The following KIFAP3 variants were observed in gnomAD, a reference collection of about 807,000 sequenced individuals.
KIFAP3 encodes the protein kinesin associated protein 3, also known as kinesin-associated protein 3.
KIFAP3 carries 68 observed loss-of-function variants against 106.5 expected under a neutral mutation model. The ratio of observed to expected loss-of-function variants is 0.64; its 90% CI spans 0.53 to 0.78. The LOEUF is 0.78. KIFAP3 is among the 30% of genes least tolerant of loss of function. The pLI is 0.00. For synonymous variants in KIFAP3, 320 were observed against 311.5 expected, an observed-to-expected ratio of 1.03 and a Z score of -0.29; for missense variants, 780 against 941.8, an observed-to-expected ratio of 0.83 and a Z score of 2.25.
intron 19 of KIFAP3, among the ~76,000 whole-genome samples, chr1:169,931,939 T>C (rs1451727104): frequency 1.3e-5 from 2 of 152,194 alleles, no homozygotes; most frequent in African/African-American, 4.8e-5. Flanking sequence ...TTTACCCCTA[T>C]GCACTCTCTT....
chr1:170,072,474 T>C (rs924871191), intron 1 of KIFAP3, among the ~76,000 whole-genome samples: 7 of 152,100 alleles, frequency 4.6e-5, no homozygotes, highest in African/African-American at 1.7e-4. Flanking sequence ...CTGGAAAAAG[T>C]GGTATTTATG....
At chr1:169,948,458 G>A (rs1325198996) in intron 19 of KIFAP3, among the ~76,000 whole-genome samples, 1 of 151,894 alleles carries the variant, frequency 6.6e-6, no homozygotes, top group Non-Finnish European at 1.5e-5. Flanking sequence ...AAATGAAGCA[G>A]TATTTTAGTC....
chr1:170,074,623 G>C lies in KIFAP3; in HGVS notation c.-156C>G. 1.3e-6 allele frequency: 2 copies of C among 1,497,862 alleles called. No individual in the cohort carries two copies. The highest frequency in any genetic ancestry group is 1.8e-6 in the Non-Finnish European group (2 of 1,120,418). The allele number at this position is 1,497,862 out of a possible 1,614,324, so 92.8% of individuals were successfully genotyped here. ...GCAGCGGCGCTGTGGTTACCACGGT[G>C]AAGCCTCCAGCTCCTCCCACAGCTT... is the stretch of plus-strand genomic sequence containing the variant. On this transcript the variant is annotated 5_prime_UTR_variant, in exon 1 of 20. Transcript: ENST00000361580.
At chr1:169,981,525 T>C (rs999082177) in intron 15 of KIFAP3, among the ~76,000 whole-genome samples, 4 of 152,222 alleles carry the variant, frequency 2.6e-5, no homozygotes, top group Admixed American at 6.5e-5. Flanking sequence ...TTCTGTTTTA[T>C]TATTAATTAT....
intron 8 of KIFAP3, among the ~76,000 whole-genome samples, chr1:170,027,696 G>C (rs1307953696): frequency 6.6e-6 from 1 of 152,042 alleles, no homozygotes; most frequent in Non-Finnish European, 1.5e-5. Context: ...GAGAACTGTG[G>C]AACAACTTCG....
At chr1:170,016,691 A>AT (rs1418114691) in intron 9 of KIFAP3, 67 bp from the exon 10 acceptor site, 15 of 986,394 alleles carry the variant, frequency 1.5e-5, no homozygotes, top group African/African-American at 3.4e-5. Flanking sequence ...GAATATAATT[A>AT]TTTTTTCTTT....
intron 11 of KIFAP3, among the ~76,000 whole-genome samples, chr1:169,989,061 A>G (rs1666975711): frequency 6.6e-6 from 1 of 151,998 alleles, no homozygotes; most frequent in Non-Finnish European, 1.5e-5. Context: ...CATTGCATAC[A>G]TGTTTGATGT....
At chr1:169,978,009 A>G (rs1666318642) in intron 16 of KIFAP3, 76 bp downstream of exon 16, 1 of 1,007,792 alleles carries the variant, frequency 9.9e-7, no homozygotes, top group African/African-American at 1.7e-5. Context: ...CATTTGCAAA[A>G]AAAAAAACAA....
In KIFAP3 at chr1:170,074,548, A is replaced by T; in HGVS notation, c.-81T>A. The stretch of plus-strand genomic sequence containing the variant: ...TATTTCCGGGGACGGTGGCCAAAGT[A>T]CCCTCACACCCAGAGGCGATGACAG... On this transcript the variant is annotated 5_prime_UTR_variant, in exon 1 of 20. Transcript: ENST00000361580. The T allele has an allele frequency of 6.2e-7, 1 of 1,601,860 alleles. No homozygotes were observed. The highest frequency in any genetic ancestry group is 8.5e-7 in the Non-Finnish European group (1 of 1,174,436).
intron 19 of KIFAP3, among the ~76,000 whole-genome samples, chr1:169,944,498 G>A (rs538343008): frequency 2.6e-5 from 4 of 152,066 alleles, no homozygotes; most frequent in Non-Finnish European, 4.4e-5. Flanking sequence ...CCTCCTTCTC[G>A]TTTCCCACAA....
At chr1:169,987,236 C>G (rs1292864188) in intron 11 of KIFAP3, among the ~76,000 whole-genome samples, 1 of 151,996 alleles carries the variant, frequency 6.6e-6, no homozygotes, top group African/African-American at 2.4e-5. Context: ...TTAACTATGT[C>G]CATTGTCATC....
At chr1:169,997,249 G>A (rs1667410455) in intron 10 of KIFAP3, among the ~76,000 whole-genome samples, 1 of 152,106 alleles carries the variant, frequency 6.6e-6, no homozygotes. Context: ...ACCTGAAAAG[G>A]TTGTTGTGTG....
At chr1:170,018,371 A>G (rs1668627042) in intron 9 of KIFAP3, among the ~76,000 whole-genome samples, 1 of 152,162 alleles carries the variant, frequency 6.6e-6, no homozygotes, top group African/African-American at 2.4e-5. Flanking sequence ...GCATTAAGAG[A>G]ACTTACTTTA....
At chr1:170,058,022 T>C (rs150947980) in intron 1 of KIFAP3, among the ~76,000 whole-genome samples, 165 of 152,252 alleles carry the variant, frequency 1.1e-3, no homozygotes, top group African/African-American at 3.9e-3. Context: ...ATATGAAACA[T>C]ACCTTCTATA....
At chr1:170,047,243 T>C (rs994558334) in intron 2 of KIFAP3, among the ~76,000 whole-genome samples, 1 of 152,134 alleles carries the variant, frequency 6.6e-6, no homozygotes, top group African/African-American at 2.4e-5. Flanking sequence ...GCTAACTTTT[T>C]TTCAGCTAGG....
In KIFAP3 at chr1:170,031,913, C is replaced by T; in HGVS notation, c.814G>A (p.Val272Met). 1 of 1,610,634 alleles carries T rather than the reference C, an allele frequency of 6.2e-7. No individual in the cohort carries two copies. Among genetic ancestry groups the T allele is most frequent in the Non-Finnish European group, 8.5e-7 (1 of 1,177,560 alleles). The part of the protein sequence containing the change: ...EKTFKKYQGL[V>M]VKQEQLLRVA... ...CGTAATAGCTGTTCCTGTTTTACCA[C>T]AAGCCCCTGGTACTTTTTAAAGGTT... The change falls in exon 8 of 20, where the codon GTG (valine) becomes ATG (methionine). Residue 272 changes from valine (V) to methionine (M), a missense_variant. Coordinates refer to ENST00000361580, the MANE Select transcript of KIFAP3 (RefSeq NM_014970.4).
At chr1:170,071,594 G>A (rs1418351593) in intron 1 of KIFAP3, among the ~76,000 whole-genome samples, 1 of 152,040 alleles carries the variant, frequency 6.6e-6, no homozygotes, top group Non-Finnish European at 1.5e-5. Flanking sequence ...AATACCCAAG[G>A]GTCTTCCTGG....
At chr1:170,043,300 T>G (rs1281084906) in intron 3 of KIFAP3, among the ~76,000 whole-genome samples, 1 of 152,210 alleles carries the variant, frequency 6.6e-6, no homozygotes, top group African/African-American at 2.4e-5. Context: ...TGCTCACTAT[T>G]AAACAATTGC....
At chr1:170,050,655 T>C (rs1670529812) in intron 2 of KIFAP3, among the ~76,000 whole-genome samples, 1 of 152,146 alleles carries the variant, frequency 6.6e-6, no homozygotes, top group Non-Finnish European at 1.5e-5. Context: ...TCTGCAGAAA[T>C]TCTACAAGCC....
Sources: gnomAD v4.1 joint callset for allele counts (sites outside exome capture counted in the v4.1 genomes callset) on GRCh38, gnomAD v4.1.1 for gene constraint, MANE v1.5 for transcripts, NCBI Gene and HGNC (gene_info 2026-07-23, HGNC 2026-07-21) for gene names.